Variants in CCSER1 observed in about 807,000 individuals in gnomAD.
CCSER1 encodes the protein coiled-coil serine rich protein 1.
In CCSER1, 41 loss-of-function variants were observed where a neutral mutation model predicts 82.0. The observed-to-expected ratio is 0.50, with a 90% CI of 0.39 to 0.65. The LOEUF (loss-of-function observed/expected upper bound fraction) is 0.65. CCSER1 is among the 30% of genes least tolerant of loss of function. CCSER1 has a pLI of 0.00. For missense variants in CCSER1, 1,119 were observed against 1,064.2 expected (o/e 1.05, Z -0.72); for synonymous variants, 414 against 383.9 (o/e 1.08, Z -0.92).
At chr4:90,538,592 A>G (rs1775717794) in intron 5 of CCSER1, among the ~76,000 whole-genome samples, 1 of 152,108 alleles carries the variant, frequency 6.6e-6, no homozygotes, top group African/African-American at 2.4e-5. Context: ...TTGAGTGCAC[A>G]GTGTATTATT....
At chr4:91,463,141 GT>G (rs1235403979) in intron 10 of CCSER1, among the ~76,000 whole-genome samples, 1 of 152,148 alleles carries the variant, frequency 6.6e-6, no homozygotes, top group African/African-American at 2.4e-5. Flanking sequence ...ACATGGCCAA[GT>G]AACCCTCTGA....
chr4:91,424,183 AT>A (rs1341573165), intron 10 of CCSER1, among the ~76,000 whole-genome samples: 9 of 150,378 alleles, frequency 6.0e-5, no homozygotes, highest in Admixed American at 2.6e-4. Context: ...CGCCCGGCTA[AT>A]TTTTTTGTAT....
chr4:90,924,632 T>G lies in CCSER1; in HGVS notation c.2172+1185T>G, dbSNP rs551040364. ...CTATTTTTAAAAAGAAATAATTTTA[T>G]GGTCCTTAAAGAGTATTTACCACAA... On this transcript the variant is annotated intron_variant, in intron 9 of 10. Transcript: ENST00000509176. Among the ~76,000 whole-genome samples, 67 of 152,316 alleles carry G rather than the reference T, an allele frequency of 4.4e-4. 1 individual carries two copies. In the South Asian group the frequency reaches 8.3e-3, roughly 19 times the overall value.
At chr4:90,735,105 G>T (rs1745432778) in intron 7 of CCSER1, among the ~76,000 whole-genome samples, 2 of 151,980 alleles carry the variant, frequency 1.3e-5, no homozygotes, top group South Asian at 4.1e-4. Context: ...CCTTCATTCT[G>T]TTGACATGGC....
chr4:90,697,927 A>T (rs1381979679), intron 6 of CCSER1, among the ~76,000 whole-genome samples: 3 of 152,146 alleles, frequency 2.0e-5, no homozygotes, highest in South Asian at 2.1e-4. Context: ...AGCTTCAAAG[A>T]GGTGCAGATA....
intron 1 of CCSER1, among the ~76,000 whole-genome samples, chr4:90,303,124 G>C (rs926630888): frequency 6.6e-6 from 1 of 152,144 alleles, no homozygotes; most frequent in African/African-American, 2.4e-5. Context: ...ATAATGTGCA[G>C]ATATCTTTTA....
At chr4:90,829,719 G>T (rs928347009) in intron 8 of CCSER1, among the ~76,000 whole-genome samples, 1 of 152,144 alleles carries the variant, frequency 6.6e-6, no homozygotes, top group Admixed American at 6.6e-5. Flanking sequence ...CACACCTGAA[G>T]GTCTGCGAGA....
chr4:90,145,795 C>G (rs1204904519), intron 1 of CCSER1, among the ~76,000 whole-genome samples: 1 of 151,946 alleles, frequency 6.6e-6, no homozygotes, highest in East Asian at 1.9e-4. Context: ...AGCATCCTTG[C>G]CTAATATGTG....
At chr4:91,304,499 A>G (rs1384721641) in intron 10 of CCSER1, among the ~76,000 whole-genome samples, 1 of 152,034 alleles carries the variant, frequency 6.6e-6, no homozygotes, top group East Asian at 1.9e-4. Context: ...CATTTTATAC[A>G]CTGAGATCAT....
chr4:91,370,799 C>T (rs555611054), intron 10 of CCSER1, among the ~76,000 whole-genome samples: 25 of 152,216 alleles, frequency 1.6e-4, no homozygotes, highest in African/African-American at 6.0e-4. Flanking sequence ...GTGTAATAAT[C>T]ACATAAGGTT....
intron 5 of CCSER1, among the ~76,000 whole-genome samples, chr4:90,572,889 A>G (rs1342458919): frequency 8.5e-5 from 13 of 152,214 alleles, no homozygotes; most frequent in Non-Finnish European, 1.5e-4. Context: ...TTTTCTAATT[A>G]TTCTTCATCC....
chr4:91,373,665 A>G (rs1260540858), intron 10 of CCSER1, among the ~76,000 whole-genome samples: 4 of 152,152 alleles, frequency 2.6e-5, no homozygotes, highest in Non-Finnish European at 4.4e-5. Context: ...TAATGACCCT[A>G]CAATGGCCTC....
At chr4:91,207,836 C>T (rs893738764) in intron 10 of CCSER1, among the ~76,000 whole-genome samples, 46 of 151,926 alleles carry the variant, frequency 3.0e-4, no homozygotes, top group African/African-American at 1.1e-3. Context: ...AACTAATTTC[C>T]ACTCCCACCA....
Position 91,533,674 on chromosome 4 carries a change from C to A in CCSER1, c.2218-64898C>A, listed in dbSNP as rs181732318. Among the ~76,000 whole-genome samples, 158 of 151,972 alleles carry A rather than the reference C, an allele frequency of 1.0e-3. 1 individual carries two copies. Among genetic ancestry groups the A allele is most frequent in the Admixed American group, 1.9e-3 (29 of 15,236 alleles). On this transcript the variant is annotated intron_variant, in intron 10 of 10. Transcript: ENST00000509176. ...TGCTGGGGACTTAAATTTGAAAACCCCTTTTGTTTGATTTAATGCAGTTGA... is the reference window on the plus strand; with the variant it reads ...TGCTGGGGACTTAAATTTGAAAACCACTTTTGTTTGATTTAATGCAGTTGA...
chr4:91,421,313 A>G (rs1446712052), intron 10 of CCSER1, among the ~76,000 whole-genome samples: 1 of 152,202 alleles, frequency 6.6e-6, no homozygotes, highest in Non-Finnish European at 1.5e-5. Flanking sequence ...GGTGTAATTC[A>G]GTTGGAGTCT....
At chr4:91,433,166 C>T (rs879204535) in intron 10 of CCSER1, among the ~76,000 whole-genome samples, 2 of 152,200 alleles carry the variant, frequency 1.3e-5, no homozygotes, top group South Asian at 2.1e-4. Flanking sequence ...CTCTTTCAGA[C>T]CCCATTAAGC....
intron 3 of CCSER1, among the ~76,000 whole-genome samples, chr4:90,389,000 T>C (rs184288558): frequency 6.6e-6 from 1 of 152,312 alleles, no homozygotes; most frequent in East Asian, 1.9e-4. Context: ...TATTCAAAGA[T>C]AAACTTAGAA....
At chr4:90,655,737 A>G (rs1729587232) in intron 6 of CCSER1, among the ~76,000 whole-genome samples, 1 of 151,980 alleles carries the variant, frequency 6.6e-6, no homozygotes, top group South Asian at 2.1e-4. Flanking sequence ...GCTTTAGTAA[A>G]CATGTATGTG....
At chr4:91,308,899 TAA>T (rs1393511041) in intron 10 of CCSER1, among the ~76,000 whole-genome samples, 2 of 151,960 alleles carry the variant, frequency 1.3e-5, no homozygotes, top group African/African-American at 4.8e-5. Flanking sequence ...AGAAATGAAT[TAA>T]GTTTACTTCT....
Sources: gnomAD v4.1 joint callset for allele counts (sites outside exome capture counted in the v4.1 genomes callset) on GRCh38, gnomAD v4.1.1 for gene constraint, MANE v1.5 for transcripts, NCBI Gene and HGNC (gene_info 2026-07-23, HGNC 2026-07-21) for gene names.